MAGI2: variants seen among roughly 807,000 people sequenced by gnomAD.
The protein encoded by MAGI2 is membrane-associated guanylate kinase, WW and PDZ domain-containing protein 2.
MAGI2 carries 35 observed loss-of-function variants against 133.3 expected under a neutral mutation model. The ratio of observed to expected loss-of-function variants is 0.26; its 90% CI spans 0.20 to 0.35. The LOEUF is 0.35. MAGI2 is among the 10% of genes least tolerant of loss of function. The pLI, the probability that MAGI2 is intolerant of heterozygous loss-of-function variation, is 1.00. For missense variants in MAGI2, 1,636 were observed against 1,863.4 expected (o/e 0.88, Z 2.25); for synonymous variants, 729 against 710.6 (o/e 1.03, Z -0.41).
At chr7:78,431,646 G>C (rs529996912) in intron 6 of MAGI2, among the ~76,000 whole-genome samples, 44 of 152,158 alleles carry the variant, frequency 2.9e-4, no homozygotes, top group African/African-American at 1.1e-3. Context: ...AGAATCTATG[G>C]CAACTACCAA....
chr7:78,653,292 C>G (rs958739311), intron 2 of MAGI2, among the ~76,000 whole-genome samples: 1 of 152,094 alleles, frequency 6.6e-6, no homozygotes, highest in Non-Finnish European at 1.5e-5. Context: ...TGGGTATAAA[C>G]CCAAAGGATT....
intron 21 of MAGI2, among the ~76,000 whole-genome samples, chr7:78,029,574 C>T (rs1029776054): frequency 2.0e-5 from 3 of 152,224 alleles, no homozygotes; most frequent in African/African-American, 7.2e-5. Context: ...CTGCTGCCAC[C>T]CACCCTGAGT....
chr7:78,920,421 A>G (rs1799136817), intron 2 of MAGI2, among the ~76,000 whole-genome samples: 1 of 152,168 alleles, frequency 6.6e-6, no homozygotes, highest in African/African-American at 2.4e-5. Flanking sequence ...TTTAGTTTCA[A>G]GTTAATTTCA....
At chr7:78,860,314 A>T (rs1369076254) in intron 2 of MAGI2, among the ~76,000 whole-genome samples, 1 of 152,136 alleles carries the variant, frequency 6.6e-6, no homozygotes, top group Non-Finnish European at 1.5e-5. Context: ...TTTGGAGAAG[A>T]GGCGCTCTGA....
intron 2 of MAGI2, among the ~76,000 whole-genome samples, chr7:78,630,433 TGAGAC>T: frequency 6.7e-6 from 1 of 149,170 alleles, no homozygotes; most frequent in Non-Finnish European, 1.5e-5. Flanking sequence ...TTTTTTTTTT[TGAGAC>T]AGAGTCTTGC....
chr7:78,438,217 C>G (rs938644571), intron 6 of MAGI2, among the ~76,000 whole-genome samples: 1 of 151,894 alleles, frequency 6.6e-6, no homozygotes, highest in Non-Finnish European at 1.5e-5. Flanking sequence ...AACTTCTCCA[C>G]TCACAGACTT....
At chr7:78,108,693 TACAC>T (rs1200285205) in intron 20 of MAGI2, among the ~76,000 whole-genome samples, 1 of 122,970 alleles carries the variant, frequency 8.1e-6, no homozygotes, top group African/African-American at 2.6e-5. Flanking sequence ...TGTGAGTGTA[TACAC>T]ACACATATGT....
chr7:78,570,627 A>G (rs1249820446), intron 3 of MAGI2, among the ~76,000 whole-genome samples: 1 of 152,108 alleles, frequency 6.6e-6, no homozygotes, highest in African/African-American at 2.4e-5. Context: ...CTCACAGAGT[A>G]TCTTGTAGGG....
At chr7:78,451,079 G>C (rs995155138) in intron 6 of MAGI2, among the ~76,000 whole-genome samples, 4 of 152,096 alleles carry the variant, frequency 2.6e-5, no homozygotes, top group African/African-American at 7.2e-5. Flanking sequence ...ACCAGCCACA[G>C]TGCAACCCGT....
intron 2 of MAGI2, among the ~76,000 whole-genome samples, chr7:78,663,160 C>T (rs1813158760): frequency 6.7e-6 from 1 of 149,216 alleles, no homozygotes; most frequent in Non-Finnish European, 1.5e-5. Context: ...ATGGTTACCT[C>T]TTCTACCTTC....
chr7:78,155,873 C>A (rs904964358), intron 16 of MAGI2, among the ~76,000 whole-genome samples: 1 of 152,054 alleles, frequency 6.6e-6, no homozygotes, highest in Non-Finnish European at 1.5e-5. Context: ...TACTAAATGC[C>A]AGCAAATAAG....
At chr7:79,356,649 C>A (rs1232051318) in intron 1 of MAGI2, among the ~76,000 whole-genome samples, 2 of 152,092 alleles carry the variant, frequency 1.3e-5, no homozygotes, top group Non-Finnish European at 2.9e-5. Flanking sequence ...TAAACAATTT[C>A]TGATGAAAGA....
intron 1 of MAGI2, among the ~76,000 whole-genome samples, chr7:79,297,201 T>C (rs1011065679): frequency 9.2e-5 from 14 of 152,174 alleles, no homozygotes; most frequent in Non-Finnish European, 4.4e-5. Flanking sequence ...TTCCCATTAA[T>C]TGAAAGATGC....
At chr7:78,862,135 T>C (rs775877967) in intron 2 of MAGI2, among the ~76,000 whole-genome samples, 2 of 152,230 alleles carry the variant, frequency 1.3e-5, no homozygotes, top group Non-Finnish European at 1.5e-5. Flanking sequence ...TTCATATTTG[T>C]TTCTACTGAT....
chr7:79,059,418 T>G (rs1294120116), intron 1 of MAGI2, among the ~76,000 whole-genome samples: 5 of 152,058 alleles, frequency 3.3e-5, no homozygotes. Context: ...ATAAAAATTC[T>G]ATAATTTATA....
chr7:79,041,397 G>A (rs1379377144), intron 1 of MAGI2, among the ~76,000 whole-genome samples: 1 of 152,108 alleles, frequency 6.6e-6, no homozygotes, highest in African/African-American at 2.4e-5. Flanking sequence ...TGCATCTCAA[G>A]CTCTAATTAT....
At chr7:79,292,126 G>C (rs1167977763) in intron 1 of MAGI2, among the ~76,000 whole-genome samples, 1 of 151,954 alleles carries the variant, frequency 6.6e-6, no homozygotes, top group African/African-American at 2.4e-5. Flanking sequence ...TTTACATGTG[G>C]AAATCCAGTT....
chr7:79,252,156 CAAAAA>C lies in MAGI2; in HGVS notation c.301+200859_301+200863del, dbSNP rs1208897198. On this transcript the variant is annotated intron_variant, in intron 1 of 21. Transcript: ENST00000354212. ...TGTGGGTCAGAATGAGACCCTGTCT[CAAAAA>C]AAAAAAAAAAAAAAAAAGAAGAAGA... Among the ~76,000 whole-genome samples, 60 of 102,562 alleles carry C rather than the reference CAAAAA, an allele frequency of 5.9e-4. 2 individuals carry two copies. The South Asian group carries it at 0.014, about 24-fold the overall frequency. The allele number at this position is 102,562 out of a possible 152,430, so 67.3% of individuals were successfully genotyped here. A position where few individuals can be genotyped will look rare whatever the true frequency, so the allele number is the denominator to read the frequency against.
chr7:78,038,487 G>C (rs1810470654), intron 21 of MAGI2, among the ~76,000 whole-genome samples: 2 of 152,112 alleles, frequency 1.3e-5, no homozygotes, highest in Non-Finnish European at 2.9e-5. Flanking sequence ...TGTAAAATTT[G>C]CAGGAAAAAA....
Sources: gnomAD v4.1 joint callset for allele counts (sites outside exome capture counted in the v4.1 genomes callset) on GRCh38, gnomAD v4.1.1 for gene constraint, MANE v1.5 for transcripts, NCBI Gene and HGNC (gene_info 2026-07-23, HGNC 2026-07-21) for gene names.